Variants in ABCA7 observed in about 807,000 individuals in gnomAD.
ABCA7 encodes the protein ATP binding cassette subfamily A member 7, also known as phospholipid-transporting ATPase ABCA7.
Under a neutral mutation model 227.6 loss-of-function variants are expected in ABCA7, and 261 were observed. The ratio of observed to expected loss-of-function variants is 1.15; its 90% CI spans 1.04 to 1.27. The LOEUF (loss-of-function observed/expected upper bound fraction) is 1.27. ABCA7 is among the 50% of genes most tolerant of loss of function. The pLI is 0.00. For synonymous variants in ABCA7, 1,488 were observed against 1,279.7 expected (o/e 1.16, Z -3.47); for missense variants, 3,331 against 2,924.5 (o/e 1.14, Z -3.21).
chr19:1,042,662 A>C lies in ABCA7; in HGVS notation c.499-84A>C, dbSNP rs772963802. On this transcript the variant is annotated intron_variant, in intron 6 of 46. Transcript: ENST00000263094. ...TTTGTAAAGTGGGGGCTATGATAGTATGGTCTGCCTGGGAACTGGCCAGAG... is the reference window on the plus strand; with the variant it reads ...TTTGTAAAGTGGGGGCTATGATAGTCTGGTCTGCCTGGGAACTGGCCAGAG... 5 of 1,378,010 alleles carry C rather than the reference A, an allele frequency of 3.6e-6. No homozygotes were observed. In the Admixed American group the frequency reaches 8.4e-5, roughly 23 times the overall value. The allele number at this position is 1,378,010 out of a possible 1,614,324, so 85.4% of individuals were successfully genotyped here.
intron 23 of ABCA7, 44 bp from the exon 24 acceptor site, chr19:1,053,285 G>C: frequency 1.9e-6 from 3 of 1,569,152 alleles, no homozygotes; most frequent in Non-Finnish European, 2.6e-6. Context: ...GACTGGGGTG[G>C]GGCGTGAGCC....
At position 1,049,336 on chromosome 19, in the gene ABCA7, T is replaced by A; in HGVS notation, c.2451T>A (p.Pro817=). The A allele has an allele frequency of 6.2e-7, 1 of 1,611,526 alleles. No homozygotes were observed. Among genetic ancestry groups the A allele is most frequent in the Non-Finnish European group, 8.5e-7 (1 of 1,179,194 alleles). ...VSVRSLEKRF[P]GSPQPALRGL... ...TTCGCAGCCTGGAGAAGCGCTTTCCTGGAAGCCCGCAGCCAGCCCTGCGGG... is the reference window on the plus strand; with the variant it reads ...TTCGCAGCCTGGAGAAGCGCTTTCCAGGAAGCCCGCAGCCAGCCCTGCGGG... The change falls in exon 18 of 47, where the codon CCT becomes CCA. Residue 817 remains proline, a synonymous_variant. Transcript: ENST00000263094.
At position 1,047,267 on chromosome 19, in the gene ABCA7, C is replaced by T. The variant is rs371509588; in HGVS notation, c.1956C>T (p.Arg652=). The T allele has an allele frequency of 2.6e-4, 418 of 1,606,876 alleles. No individual in the cohort carries two copies. The highest frequency in any genetic ancestry group is 3.4e-4 in the Non-Finnish European group (404 of 1,179,224). ...QSFLLSAFFS[R]ANLAAACGGL... is the part of the protein sequence containing the mutation. Reference sequence around the variant, plus strand: ...TCCTGCTCAGCGCCTTCTTCTCCCGCGCCAACCTGGCTGCGGCCTGCGGCG... The same window carrying T: ...TCCTGCTCAGCGCCTTCTTCTCCCGTGCCAACCTGGCTGCGGCCTGCGGCG... Residue 652 remains arginine, a synonymous_variant, in exon 15 of 47, where the codon CGC becomes CGT. Coordinates refer to ENST00000263094, the MANE Select transcript of ABCA7 (RefSeq NM_019112.4).
rs1416714270 is a variant in ABCA7, at chr19:1,042,330, CCAAG to C, written c.434_437del (p.Lys145SerfsTer15). The stretch of plus-strand genomic sequence containing the variant: ...CCTCCCCCAGCCCAGCCTCAACCAA[CCAAG>C]CAGTCTCCACTGGAACCACCCATGC... On this transcript the variant is annotated frameshift_variant, in exon 6 of 47. Coordinates refer to ENST00000263094, the MANE Select transcript of ABCA7 (RefSeq NM_019112.4). LOFTEE classifies it high-confidence loss of function. The C allele has an allele frequency of 1.3e-6, 2 of 1,582,628 alleles. No individual in the cohort carries two copies. The highest frequency in any genetic ancestry group is 2.7e-5 in the African/African-American group (2 of 74,548).
intron 45 of ABCA7, 88 bp downstream of exon 45, chr19:1,064,341 A>G: frequency 7.2e-7 from 1 of 1,381,150 alleles, no homozygotes; most frequent in Non-Finnish European, 9.7e-7. Context: ...GAGCCGGGTG[A>G]GGAAAGTTTG....
rs371516353 is a variant in ABCA7 at position 1,045,167 on chromosome 19, C to G, written c.1381C>G (p.His461Asp). 7.4e-6 allele frequency: 12 copies of G among 1,612,840 alleles called. No homozygotes were observed. Among genetic ancestry groups the G allele is most frequent in the Non-Finnish European group, 1.0e-5 (12 of 1,179,968 alleles). ...EHPTPDLGPG[H>D]VRIKIRMDID... is the part of the protein sequence containing the mutation. ...CCCAACCCCAGACCTGGGCCCCGGC[C>G]ACGTGCGCATCAAAATCCGCATGGA... Residue 461 changes from histidine to aspartate, a missense_variant, in exon 12 of 47, where the codon CAC becomes GAC. Physicochemically the swap from His to Asp is moderately conservative, Grantham distance 81. Transcript: ENST00000263094.
intron 23 of ABCA7, among the ~76,000 whole-genome samples, chr19:1,052,882 C>T (rs963294016): frequency 4.6e-5 from 7 of 151,986 alleles, no homozygotes; most frequent in Non-Finnish European, 8.8e-5. Context: ...ACACTAGGTC[C>T]AGCACTGCCC....
intron 18 of ABCA7, among the ~76,000 whole-genome samples, chr19:1,049,946 T>C (rs116930689): frequency 1.7e-3 from 33 of 18,878 alleles, no homozygotes; most frequent in Admixed American, 3.1e-3. Context: ...ACTCCCTCCC[T>C]GTGAGTCCCC....
intron 11 of ABCA7, 22 bp downstream of exon 11, chr19:1,044,766 G>T: frequency 6.3e-7 from 1 of 1,577,820 alleles, no homozygotes. Flanking sequence ...TCCACCTGCG[G>T]GGTCTGTTTC....
Position 1,061,761 on chromosome 19 carries a change from C to T in ABCA7, c.5464-21C>T, listed in dbSNP as rs1221065349. On this transcript the variant is annotated intron_variant, in intron 40 of 46. Coordinates refer to ENST00000263094, the MANE Select transcript of ABCA7 (RefSeq NM_019112.4). ...CAGGGCCTGGGGCCTCACTGAGCACCATCTGTGGGCATCCCTGTAGTGTTT... is the reference window on the plus strand; with the variant it reads ...CAGGGCCTGGGGCCTCACTGAGCACTATCTGTGGGCATCCCTGTAGTGTTT... 4 of 1,608,270 alleles carry T rather than the reference C, an allele frequency of 2.5e-6. No individual in the cohort carries two copies. In the African/African-American group the frequency reaches 5.4e-5, roughly 22 times the overall value.
At position 1,053,483 on chromosome 19, in the gene ABCA7, G is replaced by A. The variant is rs770247854; in HGVS notation, c.3375G>A (p.Ala1125=). Residue 1125 remains alanine, a synonymous_variant, in exon 24 of 47, where the codon GCG becomes GCA. Coordinates refer to ENST00000263094, the MANE Select transcript of ABCA7 (RefSeq NM_019112.4). ...TCCGAGAGCTAGACACGCGGCTGGCGGAGCTGAGGCTCACTGGCTACGGGA... is the reference window on the plus strand; with the variant it reads ...TCCGAGAGCTAGACACGCGGCTGGCAGAGCTGAGGCTCACTGGCTACGGGA... ...TLFRELDTRL[A]ELRLTGYGIS... is the part of the protein sequence containing the mutation. 58 of 1,587,138 alleles carry A rather than the reference G, an allele frequency of 3.7e-5. No individual in the cohort carries two copies. Among genetic ancestry groups the A allele is most frequent in the Admixed American group, 5.3e-5 (3 of 56,898 alleles).
chr19:1,045,351 A>G (rs1358244248), intron 12 of ABCA7, 120 bp downstream of exon 12: 1 of 1,048,048 alleles, frequency 9.5e-7, no homozygotes, highest in South Asian at 1.6e-5. Flanking sequence ...GGCTGTATCA[A>G]CAGTGGTATG....
At chr19:1,061,093 A>G (rs543728035) in intron 40 of ABCA7, among the ~76,000 whole-genome samples, 184 of 152,064 alleles carry the variant, frequency 1.2e-3, no homozygotes, top group African/African-American at 4.2e-3. Flanking sequence ...CCATGTGGAC[A>G]CTCAGAAATC....
In ABCA7 at chr19:1,055,197, G is replaced by A. The variant is rs139467472; in HGVS notation, c.4051G>A (p.Gly1351Ser). The change falls in exon 30 of 47, where the codon GGT (glycine) becomes AGT (serine). Residue 1351 changes from glycine to serine, a missense_variant. Transcript: ENST00000263094. ...CCCAGCCTGCCAGTGTAGCCGGCCC[G>A]GTGCCCGGCGCCTGCTGCCCGACTG... ...PSPACQCSRP[G>S]ARRLLPDCPA... 2.2e-4 allele frequency: 360 copies of A among 1,611,038 alleles called. 1 individual carries two copies. The highest frequency in any genetic ancestry group is 1.0e-3 in the African/African-American group (75 of 74,944).
chr19:1,058,419 A>G, intron 37 of ABCA7, 150 bp downstream of exon 37: 1 of 1,432,054 alleles, frequency 7.0e-7, no homozygotes, highest in Non-Finnish European at 9.2e-7. Flanking sequence ...AGTTGGAGGT[A>G]CAAGAAAGCA....
chr19:1,048,500 A>AAG (rs2040961200), intron 16 of ABCA7, among the ~76,000 whole-genome samples: 1 of 116,426 alleles, frequency 8.6e-6, no homozygotes, highest in African/African-American at 3.2e-5. Flanking sequence ...CAGTCTCAAA[A>AAG]AAAAAAAAAC....
rs1309917383 is a variant in ABCA7 at position 1,058,929 on chromosome 19, A to C, written c.5389A>C (p.Asn1797His). 1.0e-5 allele frequency: 16 copies of C among 1,602,094 alleles called. No individual in the cohort carries two copies. In the Middle Eastern group the frequency reaches 5.0e-4, roughly 50 times the overall value. Residue 1797 changes from asparagine to histidine, a missense_variant, in exon 39 of 47, where the codon AAC becomes CAC. Coordinates refer to ENST00000263094, the MANE Select transcript of ABCA7 (RefSeq NM_019112.4). ...ATQGDVLVLRNLTKVYRGQRM... is the reference protein window; with the variant it reads ...ATQGDVLVLRHLTKVYRGQRM... ...CCAGGGGGATGTGTTGGTGCTGAGG[A>C]ACTTGACCAAGGTAGGTGTGGTCAG...
In ABCA7 at chr19:1,054,428, T is replaced by C; in HGVS notation, c.3726+87T>C. The C allele has an allele frequency of 6.5e-7, 1 of 1,549,784 alleles. No homozygotes were observed. Among genetic ancestry groups the C allele is most frequent in the East Asian group, 2.3e-5 (1 of 44,154 alleles). On this transcript the variant is annotated intron_variant, in intron 27 of 46. Transcript: ENST00000263094. The surrounding 1 kb of genome is among the most constrained non-coding windows in gnomAD (Gnocchi z 4.8). ...CACTCAGTGGCCTAATCCAAACCCT[T>C]ACCCCCGTGTGTATTCCCAACCCAA... is the stretch of plus-strand genomic sequence containing the variant.
chr19:1,064,837 G>C, intron 45 of ABCA7, 94 bp from the exon 46 acceptor site: 3 of 1,444,614 alleles, frequency 2.1e-6, no homozygotes, highest in East Asian at 2.6e-5. Flanking sequence ...GTACAAGTAT[G>C]GGGCGGGGCC....
Sources: gnomAD v4.1 joint callset for allele counts (sites outside exome capture counted in the v4.1 genomes callset) on GRCh38, gnomAD v4.1.1 for gene constraint, Gnocchi (gnomAD v3.1) non-coding constraint, MANE v1.5 for transcripts, NCBI Gene and HGNC (gene_info 2026-07-23, HGNC 2026-07-21) for gene names.